The following CSNK2A2IP variants were observed in gnomAD, a reference collection of about 807,000 sequenced individuals.
CSNK2A2IP encodes casein kinase II subunit alpha'-interacting protein.
the CSNK2A2IP span, among the ~76,000 whole-genome samples, chr3:88,416,718 C>A: frequency 1.8e-4 from 28 of 152,312 alleles, no homozygotes; most frequent in Non-Finnish European, 3.5e-4. Context: ...GACAACATAT[C>A]TATAAATCCT....
At chr3:88,357,510 G>C in the CSNK2A2IP span, among the ~76,000 whole-genome samples, 2 of 152,080 alleles carry the variant, frequency 1.3e-5, no homozygotes, top group African/African-American at 4.8e-5. Flanking sequence ...AAGTCAGATA[G>C]TTTGATCTCC....
At chr3:88,401,677 A>G in the CSNK2A2IP span, among the ~76,000 whole-genome samples, 5 of 152,108 alleles carry the variant, frequency 3.3e-5, no homozygotes. Context: ...TGCTCTATTA[A>G]TGAAAAAGAC....
At chr3:88,353,388 T>G in the CSNK2A2IP span, among the ~76,000 whole-genome samples, 2 of 152,222 alleles carry the variant, frequency 1.3e-5, no homozygotes, top group African/African-American at 4.8e-5. Context: ...ATAAATTGGA[T>G]TTGTCCACCT....
At chr3:88,429,919 A>ATT in the CSNK2A2IP span, among the ~76,000 whole-genome samples, 2 of 142,092 alleles carry the variant, frequency 1.4e-5, no homozygotes, top group East Asian at 2.1e-4. Context: ...CGCCAGGCTA[A>ATT]TTTTTTTTTT....
chr3:88,414,189 A>G, the CSNK2A2IP span, among the ~76,000 whole-genome samples: 2 of 148,466 alleles, frequency 1.3e-5, no homozygotes, highest in African/African-American at 4.9e-5. Context: ...CAAGTAACAT[A>G]TATATGTATA....
the CSNK2A2IP span, among the ~76,000 whole-genome samples, chr3:88,458,040 C>T: frequency 6.6e-6 from 1 of 151,056 alleles, no homozygotes; most frequent in African/African-American, 2.4e-5. Flanking sequence ...CATTTATTGG[C>T]ATAATATTCT....
chr3:88,376,759 T>G, the CSNK2A2IP span, among the ~76,000 whole-genome samples: 1 of 151,798 alleles, frequency 6.6e-6, no homozygotes, highest in Non-Finnish European at 1.5e-5. Context: ...GACCTTTATG[T>G]TAAGCTCAAG....
At chr3:88,412,453 C>T in the CSNK2A2IP span, among the ~76,000 whole-genome samples, 37 of 151,998 alleles carry the variant, frequency 2.4e-4, no homozygotes, top group Non-Finnish European at 3.5e-4. Context: ...TCTCTCTCTC[C>T]TTGGCAGAGT....
the CSNK2A2IP span, among the ~76,000 whole-genome samples, chr3:88,359,248 T>C: frequency 4.6e-4 from 70 of 152,036 alleles, no homozygotes; most frequent in African/African-American, 1.6e-3. Context: ...TTTTCACCTC[T>C]AGTTTTCTTT....
the CSNK2A2IP span, among the ~76,000 whole-genome samples, chr3:88,423,477 A>G: frequency 1.3e-5 from 2 of 152,084 alleles, no homozygotes; most frequent in East Asian, 3.9e-4. Context: ...TTTGGAAGCT[A>G]TGGGACAGAT....
chr3:88,374,395 G>A, the CSNK2A2IP span, among the ~76,000 whole-genome samples: 1 of 151,724 alleles, frequency 6.6e-6, no homozygotes, highest in Middle Eastern at 3.4e-3. Flanking sequence ...AGAGTTCCAG[G>A]CTGAAGATAT....
the CSNK2A2IP span, among the ~76,000 whole-genome samples, chr3:88,456,928 C>A: frequency 1.3e-5 from 2 of 151,960 alleles, no homozygotes; most frequent in African/African-American, 2.4e-5. Context: ...AGAAAGTTTT[C>A]TTGAATAGAT....
the CSNK2A2IP span, among the ~76,000 whole-genome samples, chr3:88,423,114 A>G: frequency 6.6e-6 from 1 of 152,320 alleles, no homozygotes; most frequent in Non-Finnish European, 1.5e-5. Context: ...AGGTTTTCTT[A>G]GATGTTATGT....
the CSNK2A2IP span, chr3:88,467,162 A>G: frequency 9.9e-6 from 4 of 403,080 alleles, no homozygotes; most frequent in Non-Finnish European, 1.7e-5. Context: ...GTTAAAAAAA[A>G]TAATTCTCAG....
chr3:88,464,112 A>G, the CSNK2A2IP span, among the ~76,000 whole-genome samples: 1 of 146,648 alleles, frequency 6.8e-6, no homozygotes, highest in Non-Finnish European at 1.5e-5. Flanking sequence ...GAATTGAACA[A>G]TGAGAACACA....
At chr3:88,421,020 A>G in the CSNK2A2IP span, among the ~76,000 whole-genome samples, 4 of 152,138 alleles carry the variant, frequency 2.6e-5, no homozygotes, top group East Asian at 7.7e-4. Context: ...TTCATGCAGG[A>G]TATATTTAGA....
At chr3:88,428,708 T>C in the CSNK2A2IP span, among the ~76,000 whole-genome samples, 1 of 152,222 alleles carries the variant, frequency 6.6e-6, no homozygotes, top group East Asian at 1.9e-4. Flanking sequence ...AGAAAACAGT[T>C]TGAGGGCTGA....
At chr3:88,359,921 T>C in the CSNK2A2IP span, among the ~76,000 whole-genome samples, 1 of 152,120 alleles carries the variant, frequency 6.6e-6, no homozygotes, top group Non-Finnish European at 1.5e-5. Context: ...CTTTGTTGAT[T>C]TTCTGTCTAG....
chr3:88,462,866 G>A, the CSNK2A2IP span, among the ~76,000 whole-genome samples: 1 of 152,180 alleles, frequency 6.6e-6, no homozygotes, highest in African/African-American at 2.4e-5. Context: ...GGAACCTCAA[G>A]AGATAAGCCA....
Sources: allele counts gnomAD v4.1 joint callset (sites outside exome capture counted in the v4.1 genomes callset), GRCh38; gene constraint gnomAD v4.1.1; transcripts MANE v1.5; gene names NCBI Gene and HGNC (gene_info 2026-07-23, HGNC 2026-07-21).